TAS2R1: variants seen among roughly 807,000 people sequenced by gnomAD.
The protein encoded by TAS2R1 is taste receptor type 2 member 1.
For synonymous variants in TAS2R1, 141 were observed against 134.2 expected, an observed-to-expected ratio of 1.05 and a Z score of -0.35; for missense variants, 370 against 353.4, an observed-to-expected ratio of 1.05 and a Z score of -0.38.
chr5:9,681,531 CAA>C (rs10681888), intron 1 of TAS2R1, among the ~76,000 whole-genome samples: 7 of 87,884 alleles, frequency 8.0e-5, no homozygotes, highest in Admixed American at 3.1e-4. Flanking sequence ...CATGTTTCTG[CAA>C]AAAAAAAAAA....
the TAS2R1 span, among the ~76,000 whole-genome samples, chr5:9,877,352 ACT>A: frequency 6.6e-6 from 1 of 152,082 alleles, no homozygotes; most frequent in African/African-American, 2.4e-5. Flanking sequence ...ATTTTAGAAA[ACT>A]CTTTCTATAT....
At chr5:9,678,871 AC>A (rs778746437) in intron 1 of TAS2R1, among the ~76,000 whole-genome samples, 71 of 152,248 alleles carry the variant, frequency 4.7e-4, no homozygotes, top group African/African-American at 1.7e-3. Flanking sequence ...GCAGCGAATC[AC>A]CATGGCACAT....
intron 1 of TAS2R1, among the ~76,000 whole-genome samples, chr5:9,689,816 CA>C (rs1741198750): frequency 6.6e-6 from 1 of 152,026 alleles, no homozygotes; most frequent in African/African-American, 2.4e-5. Flanking sequence ...TAAAATATTA[CA>C]AATTCATCTC....
At chr5:9,648,943 A>G (rs1270644383) in intron 2 of TAS2R1, among the ~76,000 whole-genome samples, 1 of 151,776 alleles carries the variant, frequency 6.6e-6, no homozygotes, top group African/African-American at 2.4e-5. Flanking sequence ...CTGACTTAAC[A>G]CTCTTTTATC....
chr5:9,669,966 A>G (rs184662527), intron 1 of TAS2R1, among the ~76,000 whole-genome samples: 1 of 152,256 alleles, frequency 6.6e-6, no homozygotes, highest in Non-Finnish European at 1.5e-5. Context: ...GAATCTACAA[A>G]TTGATTTTTT....
At chr5:9,679,653 T>A (rs1740956349) in intron 1 of TAS2R1, among the ~76,000 whole-genome samples, 2 of 152,202 alleles carry the variant, frequency 1.3e-5, no homozygotes, top group African/African-American at 2.4e-5. Context: ...GAATCCAGGT[T>A]TCTCACTGTG....
the TAS2R1 span, chr5:9,903,525 C>G: frequency 6.6e-6 from 1 of 152,004 alleles, no homozygotes; most frequent in Non-Finnish European, 1.5e-5. Flanking sequence ...ATTTTTATAC[C>G]TTTGTGTTCT....
the TAS2R1 span, among the ~76,000 whole-genome samples, chr5:9,732,733 A>C: frequency 2.8e-4 from 42 of 152,360 alleles, no homozygotes; most frequent in African/African-American, 9.9e-4. Context: ...AAGGCAAAAA[A>C]GCTTCCATAT....
chr5:9,901,020 T>A, the TAS2R1 span, among the ~76,000 whole-genome samples: 3 of 152,122 alleles, frequency 2.0e-5, no homozygotes, highest in African/African-American at 7.2e-5. Flanking sequence ...ACACAATACC[T>A]TGGCTCAGAT....
chr5:9,835,476 G>C, the TAS2R1 span, among the ~76,000 whole-genome samples: 1 of 152,156 alleles, frequency 6.6e-6, no homozygotes, highest in Admixed American at 6.5e-5. Context: ...AGAGAACACA[G>C]GCAAAAGAAA....
the TAS2R1 span, among the ~76,000 whole-genome samples, chr5:9,830,433 AGATAGAT>A: frequency 6.6e-6 from 1 of 152,204 alleles, no homozygotes; most frequent in Non-Finnish European, 1.5e-5. Context: ...ATAGGTAGAC[AGATAGAT>A]GATAGATGAC....
At chr5:9,680,644 T>A (rs149350757) in intron 1 of TAS2R1, among the ~76,000 whole-genome samples, 4 of 151,858 alleles carry the variant, frequency 2.6e-5, no homozygotes, top group Non-Finnish European at 1.5e-5. Context: ...AATAAAGGGG[T>A]ATCCTAAAAA....
chr5:9,865,753 C>T, the TAS2R1 span, among the ~76,000 whole-genome samples: 1 of 152,238 alleles, frequency 6.6e-6, no homozygotes, highest in Non-Finnish European at 1.5e-5. Context: ...TGTTTCCCAT[C>T]ACAAGTCAGT....
At chr5:9,786,469 T>C in the TAS2R1 span, among the ~76,000 whole-genome samples, 7 of 152,226 alleles carry the variant, frequency 4.6e-5, no homozygotes, top group African/African-American at 1.7e-4. Context: ...GGTGAGTAAG[T>C]GGTGCCTAGA....
At chr5:9,828,047 C>G in the TAS2R1 span, among the ~76,000 whole-genome samples, 1 of 152,232 alleles carries the variant, frequency 6.6e-6, no homozygotes, top group East Asian at 1.9e-4. Flanking sequence ...TTTCCTCTAC[C>G]TAGAATATTA....
chr5:9,898,948 C>T, the TAS2R1 span, among the ~76,000 whole-genome samples: 3 of 152,154 alleles, frequency 2.0e-5, no homozygotes, highest in African/African-American at 7.2e-5. Context: ...AGATGGAGGT[C>T]GTTGAAGACG....
the TAS2R1 span, among the ~76,000 whole-genome samples, chr5:9,824,257 C>G: frequency 2.0e-5 from 3 of 152,182 alleles, no homozygotes; most frequent in African/African-American, 7.2e-5. Context: ...GTCCATAATC[C>G]TATCTCTCCA....
the TAS2R1 span, among the ~76,000 whole-genome samples, chr5:9,823,599 G>C: frequency 7.4e-6 from 1 of 134,720 alleles, no homozygotes; most frequent in Non-Finnish European, 1.6e-5. Flanking sequence ...GGAGGGGAGG[G>C]GAAAGGACAG....
In TAS2R1 at chr5:9,628,490, T is replaced by G. The variant is rs1042502473; in HGVS notation, c.*643A>C. Among the ~76,000 whole-genome samples, 9 of 152,204 alleles carry G rather than the reference T, an allele frequency of 5.9e-5. No individual in the cohort carries two copies. Among genetic ancestry groups the G allele is most frequent in the African/African-American group, 2.2e-4 (9 of 41,458 alleles). ...TATCAGTTGATTGGCCATGTCACCA[T>G]GGCATCTAGGCTCTCTGCAGGATGA... On this transcript the variant is annotated 3_prime_UTR_variant, in exon 1 of 1. Transcript: ENST00000382492.
Sources: gnomAD v4.1 joint callset for allele counts (sites outside exome capture counted in the v4.1 genomes callset) on GRCh38, gnomAD v4.1.1 for gene constraint, MANE v1.5 for transcripts, NCBI Gene and HGNC (gene_info 2026-07-23, HGNC 2026-07-21) for gene names.